The following NPAT variants were observed in gnomAD, a reference collection of about 807,000 sequenced individuals.
NPAT encodes protein NPAT.
In NPAT, 52 loss-of-function variants were observed where a neutral mutation model predicts 130.7. The ratio of observed to expected loss-of-function variants is 0.40; its 90% CI spans 0.32 to 0.50. NPAT has a LOEUF of 0.50. Ranked by LOEUF, NPAT falls within the 20% of genes least tolerant of loss-of-function variation. The pLI is 0.68. For missense variants in NPAT, 1,687 were observed against 1,662.6 expected (o/e 1.01, Z -0.26); for synonymous variants, 580 against 584.8 (o/e 0.99, Z 0.12).
chr11:108,210,908 C>T lies in NPAT; in HGVS notation c.37+11592G>A, dbSNP rs139445010. Among the ~76,000 whole-genome samples the T allele has an allele frequency of 2.8e-3, 424 of 152,306 alleles. 1 individual carries two copies. The highest frequency in any genetic ancestry group is 9.7e-3 in the African/African-American group (402 of 41,564). Reference sequence around the variant, plus strand: ...AAGAGAAAGACATCACAAAACTACACGCCAATAATCCTTATGAAACTGGAC... The same window carrying T: ...AAGAGAAAGACATCACAAAACTACATGCCAATAATCCTTATGAAACTGGAC... On this transcript the variant is annotated intron_variant, in intron 1 of 17. Transcript: ENST00000278612.
intron 11 of NPAT, 32 bp from the exon 12 acceptor site, chr11:108,176,406 T>C (rs760020248): frequency 4.9e-6 from 7 of 1,440,656 alleles, no homozygotes; most frequent in Admixed American, 1.7e-5. Flanking sequence ...AATAATTAAA[T>C]GACCAAAACA....
intron 2 of NPAT, among the ~76,000 whole-genome samples, chr11:108,194,525 A>G (rs74708928): frequency 0.067 from 10,159 of 152,358 alleles, 438 homozygotes; most frequent in Admixed American, 0.094. Context: ...TTTAATATTC[A>G]TCCACGTTAT....
At chr11:108,182,049 G>A (rs919112828) in intron 10 of NPAT, among the ~76,000 whole-genome samples, 48 of 152,184 alleles carry the variant, frequency 3.2e-4, no homozygotes, top group African/African-American at 1.1e-3. Flanking sequence ...TCAGCAATAA[G>A]AGACTGGAGA....
At position 108,162,494 on chromosome 11, in the gene NPAT, G is replaced by A. The variant is rs531070858; in HGVS notation, c.3011-314C>T. Among the ~76,000 whole-genome samples the A allele has an allele frequency of 1.1e-4, 17 of 152,312 alleles. No individual in the cohort carries two copies. In the South Asian group the frequency reaches 3.1e-3, roughly 28 times the overall value. ...CACCCAGGCTGGAGCGCAGTGGCATGATCTCGGCTCACTGCAACCTCTGCC... is the reference window on the plus strand; with the variant it reads ...CACCCAGGCTGGAGCGCAGTGGCATAATCTCGGCTCACTGCAACCTCTGCC... On this transcript the variant is annotated intron_variant, in intron 15 of 17. Coordinates refer to ENST00000278612, the MANE Select transcript of NPAT (RefSeq NM_002519.3).
chr11:108,177,008 T>C lies in NPAT; in HGVS notation c.989A>G (p.Asp330Gly). ...AGTCTCCTTACCATAGTCAAAGAGATCAAAGAGTGCCTGAAATGCTGGGTC... is the reference window on the plus strand; with the variant it reads ...AGTCTCCTTACCATAGTCAAAGAGACCAAAGAGTGCCTGAAATGCTGGGTC... Reference protein sequence around the residue: ...ESDPAFQALFDLFDYGKTKNN... With the variant: ...ESDPAFQALFGLFDYGKTKNN... The change falls in exon 11 of 18, where the codon GAT becomes GGT. Residue 330 changes from aspartate to glycine, a missense_variant. Asp to Gly is a moderately conservative substitution (Grantham distance 94). This residue lies in a region of NPAT where 1,379 missense variants were observed against 1,346.6 expected (regional missense o/e 1.02). Coordinates refer to ENST00000278612, the MANE Select transcript of NPAT (RefSeq NM_002519.3). The C allele has an allele frequency of 6.2e-7, 1 of 1,608,884 alleles. No individual in the cohort carries two copies. The highest frequency in any genetic ancestry group is 2.2e-5 in the East Asian group (1 of 44,792).
At position 108,222,510 on chromosome 11, in the gene NPAT, C is replaced by T; in HGVS notation, c.27G>A (p.Arg9=). 1 of 1,613,886 alleles carries T rather than the reference C, an allele frequency of 6.2e-7. No homozygotes were observed. Among genetic ancestry groups the T allele is most frequent in the Non-Finnish European group, 8.5e-7 (1 of 1,179,924 alleles). MLLPSDVA[R]LVLGYLQQEN... ...CGCGTCCGCGCTTACCCAATACAAG[C>T]CGGGCTACGTCCGAGGGTAACAACA... The change falls in exon 1 of 18, where the codon CGG becomes CGA. Residue 9 remains arginine, a synonymous_variant. Coordinates refer to ENST00000278612, the MANE Select transcript of NPAT (RefSeq NM_002519.3).
chr11:108,159,096 TA>T, intron 17 of NPAT, 77 bp from the exon 18 acceptor site: 1 of 873,458 alleles, frequency 1.1e-6, no homozygotes, highest in Non-Finnish European at 1.9e-6. Context: ...TAAAACAGTA[TA>T]TTGGGTTCTT....
chr11:108,219,789 T>C (rs2078466980), intron 1 of NPAT, among the ~76,000 whole-genome samples: 3 of 152,180 alleles, frequency 2.0e-5, no homozygotes, highest in Admixed American at 6.5e-5. Flanking sequence ...TTAAGAACTA[T>C]ACATTTTTAA....
intron 3 of NPAT, among the ~76,000 whole-genome samples, chr11:108,193,018 A>C (rs1158224980): frequency 6.6e-6 from 1 of 152,212 alleles, no homozygotes; most frequent in African/African-American, 2.4e-5. Flanking sequence ...ACGTAGCACA[A>C]TGCTTATACA....
Position 108,172,353 on chromosome 11 carries a change from C to T in NPAT, c.2631G>A (p.Ala877=), listed in dbSNP as rs371757567. 1.1e-5 allele frequency: 17 copies of T among 1,614,190 alleles called. No individual in the cohort carries two copies. Among genetic ancestry groups the T allele is most frequent in the East Asian group, 8.9e-5 (4 of 44,878 alleles). ...TAGACTGACTTACAGATGTTCCTAA[C>T]GCTGTTGGATCAGTCACACAGGTAG... ...LIATCVTDPT[A]LGTSVSQSNV... Residue 877 remains alanine (A), a synonymous_variant, in exon 13 of 18, where the codon GCG becomes GCA. Transcript: ENST00000278612.
intron 10 of NPAT, among the ~76,000 whole-genome samples, chr11:108,184,390 T>C (rs2078084896): frequency 6.6e-6 from 1 of 150,902 alleles, no homozygotes; most frequent in Non-Finnish European, 1.5e-5. Context: ...AAGAATGGCA[T>C]GAACCTGGGA....
Position 108,206,118 on chromosome 11 carries a change from C to T in NPAT, c.38-8698G>A, listed in dbSNP as rs1192194753. ...TGTACGTAAACTTTCTTCCCCAACTCTGCTTAAAAAGATAACTGTACACAA... is the reference window on the plus strand; with the variant it reads ...TGTACGTAAACTTTCTTCCCCAACTTTGCTTAAAAAGATAACTGTACACAA... On this transcript the variant is annotated intron_variant, in intron 1 of 17. Coordinates refer to ENST00000278612, the MANE Select transcript of NPAT (RefSeq NM_002519.3). Among the ~76,000 whole-genome samples, 3 of 152,190 alleles carry T rather than the reference C, an allele frequency of 2.0e-5. No individual in the cohort carries two copies. The East Asian group carries it at 5.8e-4, about 29-fold the overall frequency.
Position 108,173,407 on chromosome 11 carries a change from A to G in NPAT, c.1577T>C (p.Leu526Pro). The part of the protein sequence containing the change: ...GCEANNENLI[L>P]SGKSSQLLSQ... Reference sequence around the variant, plus strand: ...TAAAAGTTGAGAACTCTTCCCAGAGAGAATTAAGTTTTCATTGTTAGCTTC... The same window carrying G: ...TAAAAGTTGAGAACTCTTCCCAGAGGGAATTAAGTTTTCATTGTTAGCTTC... The change falls in exon 13 of 18, where the codon CTC becomes CCC. Residue 526 changes from leucine to proline, a missense_variant. This residue lies in a region of NPAT where 1,379 missense variants were observed against 1,346.6 expected (regional missense o/e 1.02). Transcript: ENST00000278612. 6.2e-7 allele frequency: 1 copy of G among 1,614,168 alleles called. No homozygotes were observed. Among genetic ancestry groups the G allele is most frequent in the South Asian group, 1.1e-5 (1 of 91,080 alleles).
At chr11:108,219,270 C>T (rs2078461646) in intron 1 of NPAT, among the ~76,000 whole-genome samples, 1 of 152,186 alleles carries the variant, frequency 6.6e-6, no homozygotes. Flanking sequence ...ACCACTCCCT[C>T]ATCAGACAAG....
At chr11:108,175,954 G>C (rs1432503284) in intron 12 of NPAT, among the ~76,000 whole-genome samples, 1 of 152,190 alleles carries the variant, frequency 6.6e-6, no homozygotes, top group Non-Finnish European at 1.5e-5. Context: ...GCTGCATGCA[G>C]TGAGCTATGA....
intron 10 of NPAT, among the ~76,000 whole-genome samples, chr11:108,179,533 C>A (rs995924865): frequency 2.6e-5 from 4 of 152,232 alleles, no homozygotes; most frequent in African/African-American, 9.6e-5. Context: ...AGCCACCACG[C>A]CCGGACTCAT....
Position 108,190,505 on chromosome 11 carries a change from C to T in NPAT, c.291-5G>A. On this transcript the variant is annotated splice_polypyrimidine_tract_variant and splice_region_variant and intron_variant, in intron 4 of 17. Coordinates refer to ENST00000278612, the MANE Select transcript of NPAT (RefSeq NM_002519.3). The stretch of plus-strand genomic sequence containing the variant: ...CTTGGGGAACTTTGCATGCTCCTAA[C>T]AAAGAAAACAAAGTAGTTATCCATC... 1.2e-6 allele frequency: 2 copies of T among 1,612,978 alleles called. No individual in the cohort carries two copies. The highest frequency in any genetic ancestry group is 1.7e-6 in the Non-Finnish European group (2 of 1,179,034).
intron 5 of NPAT, among the ~76,000 whole-genome samples, chr11:108,189,556 T>C (rs969077903): frequency 1.3e-5 from 2 of 152,224 alleles, no homozygotes; most frequent in Admixed American, 1.3e-4. Flanking sequence ...GTAATTAATA[T>C]TGATAACACC....
At chr11:108,195,311 T>TA in intron 2 of NPAT, among the ~76,000 whole-genome samples, 1 of 152,236 alleles carries the variant, frequency 6.6e-6, no homozygotes, top group Non-Finnish European at 1.5e-5. Context: ...TTCTTACCAG[T>TA]AAGAAACAAG....
Sources: allele counts gnomAD v4.1 joint callset (sites outside exome capture counted in the v4.1 genomes callset), GRCh38; gene constraint gnomAD v4.1.1; regional missense constraint gnomAD v4.1.1; transcripts MANE v1.5; gene names NCBI Gene and HGNC (gene_info 2026-07-23, HGNC 2026-07-21).